The following CAMKMT variants were observed in gnomAD, a reference collection of about 807,000 sequenced individuals.
CAMKMT encodes the protein CaM KMT.
Under a neutral mutation model 48.0 loss-of-function variants are expected in CAMKMT, and 53 were observed. That is an observed-to-expected ratio of 1.10 (90% CI 0.89 to 1.39). CAMKMT has a LOEUF of 1.39. CAMKMT is among the 40% of genes most tolerant of loss of function. CAMKMT has a pLI of 0.00. For missense variants in CAMKMT, 428 were observed against 402.7 expected (o/e 1.06, Z -0.54); for synonymous variants, 165 against 152.3 (o/e 1.08, Z -0.61).
intron 3 of CAMKMT, among the ~76,000 whole-genome samples, chr2:44,601,674 A>G (rs187118345): frequency 6.6e-6 from 1 of 152,060 alleles, no homozygotes; most frequent in East Asian, 1.9e-4. Context: ...ACTATTCTCT[A>G]AATTCCATTC....
At chr2:44,721,836 AAGAGG>A (rs1177223166) in intron 7 of CAMKMT, among the ~76,000 whole-genome samples, 1 of 149,528 alleles carries the variant, frequency 6.7e-6, no homozygotes, top group African/African-American at 2.4e-5. Context: ...AAAAGAAAAG[AAGAGG>A]AGAGGAGAGG....
intron 8 of CAMKMT, among the ~76,000 whole-genome samples, chr2:44,744,460 A>T (rs180714618): frequency 2.0e-4 from 31 of 152,270 alleles, no homozygotes; most frequent in Non-Finnish European, 4.4e-4. Flanking sequence ...GTATTTCTTC[A>T]TGCAGTTTGA....
intron 3 of CAMKMT, among the ~76,000 whole-genome samples, chr2:44,548,163 ACTATGTGCTTT>A (rs1202075734): frequency 2.6e-5 from 4 of 152,174 alleles, no homozygotes; most frequent in Non-Finnish European, 5.9e-5. Flanking sequence ...TTAGCATCCT[ACTATGTGCTTT>A]CTATGTGCTG....
intron 3 of CAMKMT, among the ~76,000 whole-genome samples, chr2:44,656,349 T>C (rs887629027): frequency 1.3e-5 from 2 of 152,024 alleles, no homozygotes; most frequent in African/African-American, 4.8e-5. Flanking sequence ...CAAAAGGAAT[T>C]TTTTTCTTTT....
At chr2:44,732,708 G>T (rs540218250) in intron 7 of CAMKMT, among the ~76,000 whole-genome samples, 2 of 152,114 alleles carry the variant, frequency 1.3e-5, no homozygotes, top group African/African-American at 4.8e-5. Flanking sequence ...TGCCATTCAC[G>T]TATCTTCTCT....
rs963181130 is a variant in CAMKMT, at chr2:44,385,226, C to CT, written c.312-5005dup. On this transcript the variant is annotated intron_variant, in intron 2 of 10. Coordinates refer to ENST00000378494, the MANE Select transcript of CAMKMT (RefSeq NM_024766.5). Reference sequence around the variant, plus strand: ...TGGTTAGGTATATTCCTAAGTATTCCTTTTTTTTTTGCAGCTGTTGCAAAA... The same window carrying CT: ...TGGTTAGGTATATTCCTAAGTATTCCTTTTTTTTTTTGCAGCTGTTGCAAAA... Among the ~76,000 whole-genome samples the CT allele has an allele frequency of 2.5e-3, 365 of 145,802 alleles. 1 individual carries two copies. Among genetic ancestry groups the CT allele is most frequent in the Admixed American group, 4.3e-3 (63 of 14,612 alleles).
intron 1 of CAMKMT, among the ~76,000 whole-genome samples, chr2:44,368,194 T>C (rs1678811202): frequency 6.6e-6 from 1 of 152,232 alleles, no homozygotes; most frequent in Non-Finnish European, 1.5e-5. Context: ...ATGCCTTGAC[T>C]ATTCCTTCAC....
At chr2:44,557,876 G>GT (rs1446579259) in intron 3 of CAMKMT, among the ~76,000 whole-genome samples, 3 of 152,108 alleles carry the variant, frequency 2.0e-5, no homozygotes. Flanking sequence ...TCTCTGCTCT[G>GT]TATCAATTTA....
At chr2:44,366,241 G>A (rs541202928) in intron 1 of CAMKMT, among the ~76,000 whole-genome samples, 4 of 152,164 alleles carry the variant, frequency 2.6e-5, no homozygotes, top group Non-Finnish European at 5.9e-5. Flanking sequence ...AGAATAAGTA[G>A]AATAAAAAGG....
intron 3 of CAMKMT, among the ~76,000 whole-genome samples, chr2:44,504,779 C>T (rs560259433): frequency 6.6e-6 from 1 of 152,196 alleles, no homozygotes; most frequent in South Asian, 2.1e-4. Flanking sequence ...TGTGAAATAC[C>T]TGTTCAGTGT....
intron 7 of CAMKMT, among the ~76,000 whole-genome samples, chr2:44,738,634 G>T (rs1679493997): frequency 6.6e-6 from 1 of 152,130 alleles, no homozygotes; most frequent in Admixed American, 6.5e-5. Flanking sequence ...ATACATCACT[G>T]TACAAAACAG....
intron 3 of CAMKMT, among the ~76,000 whole-genome samples, chr2:44,479,664 TG>T (rs1668868550): frequency 6.6e-6 from 1 of 152,166 alleles, no homozygotes; most frequent in Non-Finnish European, 1.5e-5. Context: ...AGCATAACAA[TG>T]GCTCGATTTG....
intron 3 of CAMKMT, among the ~76,000 whole-genome samples, chr2:44,576,569 A>C (rs181252177): frequency 6.6e-6 from 1 of 152,328 alleles, no homozygotes; most frequent in Non-Finnish European, 1.5e-5. Context: ...GTTAGATTAC[A>C]TGAGGGTCCA....
At chr2:44,382,077 G>A (rs1414034371) in intron 2 of CAMKMT, among the ~76,000 whole-genome samples, 2 of 151,558 alleles carry the variant, frequency 1.3e-5, no homozygotes, top group African/African-American at 4.8e-5. Context: ...GAGTAGTTGG[G>A]ATTACAGACG....
intron 3 of CAMKMT, among the ~76,000 whole-genome samples, chr2:44,573,081 A>C (rs1669012054): frequency 2.0e-5 from 3 of 151,590 alleles, no homozygotes; most frequent in African/African-American, 7.3e-5. Context: ...TATTAGTAAA[A>C]GTAATCTTTT....
chr2:44,762,788 G>A (rs1057420974), intron 9 of CAMKMT, among the ~76,000 whole-genome samples: 2 of 152,146 alleles, frequency 1.3e-5, no homozygotes, highest in African/African-American at 2.4e-5. Flanking sequence ...TATCTCTGTG[G>A]TTTAGTGGAA....
chr2:44,563,853 A>G (rs376498146), intron 3 of CAMKMT, among the ~76,000 whole-genome samples: 6 of 151,990 alleles, frequency 3.9e-5, no homozygotes, highest in African/African-American at 1.5e-4. Context: ...TATGTGCCAC[A>G]TTTTCTTAAT....
At chr2:44,441,331 G>A (rs75591380) in intron 3 of CAMKMT, among the ~76,000 whole-genome samples, 1 of 152,116 alleles carries the variant, frequency 6.6e-6, no homozygotes. Context: ...CTAAATCAGT[G>A]TTGCTGGGTG....
chr2:44,424,488 A>C (rs1684150831), intron 3 of CAMKMT, among the ~76,000 whole-genome samples: 1 of 152,176 alleles, frequency 6.6e-6, no homozygotes, highest in Non-Finnish European at 1.5e-5. Context: ...AGAAGGTTTC[A>C]CAATGTTTCC....
Sources: allele counts gnomAD v4.1 joint callset (sites outside exome capture counted in the v4.1 genomes callset), GRCh38; gene constraint gnomAD v4.1.1; transcripts MANE v1.5; gene names NCBI Gene and HGNC (gene_info 2026-07-23, HGNC 2026-07-21).